Variants in TMEM45B observed in about 807,000 individuals in gnomAD.
TMEM45B encodes transmembrane protein 45B.
TMEM45B carries 29 observed loss-of-function variants against 27.3 expected under a neutral mutation model. That is an observed-to-expected ratio of 1.06 (90% CI 0.79 to 1.45). The LOEUF is 1.45. TMEM45B is among the 40% of genes most tolerant of loss of function. TMEM45B has a pLI of 0.00. For synonymous variants in TMEM45B, 143 were observed against 134.7 expected (o/e 1.06, Z -0.43); for missense variants, 348 against 343.9 (o/e 1.01, Z -0.09).
Position 129,854,747 on chromosome 11 carries a change from A to C in TMEM45B, c.316A>C (p.Thr106Pro), listed in dbSNP as rs1947897267. 5.6e-6 allele frequency: 9 copies of C among 1,614,194 alleles called. No homozygotes were observed. The highest frequency in any genetic ancestry group is 7.6e-6 in the Non-Finnish European group (9 of 1,180,028). The change falls in exon 3 of 6, where the codon ACC becomes CCC. Residue 106 changes from threonine (T) to proline (P), a missense_variant. By Grantham distance (38) the Thr-to-Pro change is conservative. Transcript: ENST00000281441. ...FAVSGIVDMLTYLVSHVPLGV... is the reference protein window; with the variant it reads ...FAVSGIVDMLPYLVSHVPLGV... ...AGTCTCAGGAATTGTTGACATGCTCACCTATCTGGTCAGCCACGTTCCCTT... is the reference window on the plus strand; with the variant it reads ...AGTCTCAGGAATTGTTGACATGCTCCCCTATCTGGTCAGCCACGTTCCCTT...
At chr11:129,818,276 T>A (rs1169378639) in intron 1 of TMEM45B, among the ~76,000 whole-genome samples, 2 of 152,198 alleles carry the variant, frequency 1.3e-5, no homozygotes, top group Non-Finnish European at 2.9e-5. Context: ...GCTACACTAC[T>A]GGAGGAAAAA....
intron 2 of TMEM45B, among the ~76,000 whole-genome samples, chr11:129,853,769 C>T (rs1341405583): frequency 1.3e-5 from 2 of 152,132 alleles, no homozygotes; most frequent in African/African-American, 4.8e-5. Context: ...TCCACAACTT[C>T]CTGACTCTGT....
chr11:129,828,545 A>G (rs1370569003), intron 1 of TMEM45B, among the ~76,000 whole-genome samples: 1 of 151,962 alleles, frequency 6.6e-6, no homozygotes, highest in Non-Finnish European at 1.5e-5. Flanking sequence ...TCAACACAGA[A>G]CTCTCTGCTT....
intron 1 of TMEM45B, among the ~76,000 whole-genome samples, chr11:129,837,585 C>CTTTATTTTTTTTTTTTTTT (rs1947637011): frequency 1.2e-5 from 1 of 80,294 alleles, no homozygotes. Flanking sequence ...CTGCACTGGG[C>CTTTATTTTTTTTTTTTTTT]TTTTTTTTTT....
chr11:129,829,300 T>A (rs1947521613), intron 1 of TMEM45B, among the ~76,000 whole-genome samples: 1 of 152,244 alleles, frequency 6.6e-6, no homozygotes, highest in Non-Finnish European at 1.5e-5. Flanking sequence ...AGATAACAGT[T>A]GACTTAAGTC....
chr11:129,833,290 T>G (rs1947576486), intron 1 of TMEM45B, among the ~76,000 whole-genome samples: 1 of 151,248 alleles, frequency 6.6e-6, no homozygotes, highest in Non-Finnish European at 1.5e-5. Flanking sequence ...AAGTGTGAAT[T>G]GATGAATGGA....
At chr11:129,856,154 G>A (rs911387722) in intron 4 of TMEM45B, among the ~76,000 whole-genome samples, 4 of 152,178 alleles carry the variant, frequency 2.6e-5, no homozygotes, top group Admixed American at 6.5e-5. Flanking sequence ...AGGATGGGCT[G>A]ATGCCTTTCA....
intron 1 of TMEM45B, among the ~76,000 whole-genome samples, chr11:129,823,060 C>T (rs1310834160): frequency 3.3e-5 from 5 of 151,946 alleles, no homozygotes; most frequent in East Asian, 1.9e-4. Flanking sequence ...AGGCTGGTCT[C>T]GAACCCCTGA....
At chr11:129,821,048 G>A (rs529258836) in intron 1 of TMEM45B, among the ~76,000 whole-genome samples, 2 of 152,012 alleles carry the variant, frequency 1.3e-5, no homozygotes, top group African/African-American at 4.8e-5. Flanking sequence ...TTCCCAGTAC[G>A]GTTATATCCT....
Position 129,858,667 on chromosome 11 carries a change from T to G in TMEM45B, c.810T>G (p.Ser270Arg). The change falls in exon 6 of 6, where the codon AGT becomes AGG. Residue 270 changes from serine to arginine, a missense_variant. Ser to Arg is a moderately radical substitution (Grantham distance 110). Transcript: ENST00000281441. ...ACACTTACCAGACCGCCCTCTTGAG[T>G]GGCTCAGATGAGGAATGAGCCGAGA... The part of the protein sequence containing the change: ...SDDTYQTALL[S>R]GSDEE 1.9e-6 allele frequency: 3 copies of G among 1,563,348 alleles called. No individual in the cohort carries two copies. The South Asian group carries it at 3.5e-5, about 18-fold the overall frequency.
chr11:129,838,509 C>T (rs989794931), intron 1 of TMEM45B, among the ~76,000 whole-genome samples: 6 of 152,176 alleles, frequency 3.9e-5, no homozygotes, highest in Non-Finnish European at 5.9e-5. Flanking sequence ...TGTCGCTCTT[C>T]TTGCTTGTCT....
chr11:129,820,274 C>T (rs1565361476), intron 1 of TMEM45B, among the ~76,000 whole-genome samples: 1 of 152,034 alleles, frequency 6.6e-6, no homozygotes, highest in Non-Finnish European at 1.5e-5. Context: ...GAGATCATGC[C>T]ACTTGCACTC....
intron 1 of TMEM45B, among the ~76,000 whole-genome samples, chr11:129,846,999 T>C (rs1488087200): frequency 6.6e-6 from 1 of 152,306 alleles, no homozygotes; most frequent in Middle Eastern, 3.4e-3. Context: ...TTATTGGCCC[T>C]GGTAAGGACT....
At chr11:129,846,847 T>C (rs1009529430) in intron 1 of TMEM45B, among the ~76,000 whole-genome samples, 1 of 152,176 alleles carries the variant, frequency 6.6e-6, no homozygotes, top group Non-Finnish European at 1.5e-5. Context: ...GTGGGAACAC[T>C]GTTCTAGAAG....
chr11:129,828,381 A>G (rs1321437174), intron 1 of TMEM45B: 3 of 152,256 alleles, frequency 2.0e-5, no homozygotes, highest in Non-Finnish European at 4.4e-5. Flanking sequence ...CCACACAGGA[A>G]ATAACAATGA....
Position 129,859,992 on chromosome 11 carries a change from C to T in TMEM45B, c.*1307C>T, listed in dbSNP as rs1947986097. The T allele has an allele frequency of 6.6e-6, 1 of 152,380 alleles. No individual in the cohort carries two copies. Among genetic ancestry groups the T allele is most frequent in the South Asian group, 2.1e-4 (1 of 4,822 alleles). The allele number at this position is 152,380 out of a possible 1,614,324, so 9.4% of individuals were successfully genotyped here. Reference sequence around the variant, plus strand: ...TGTGATGGGTGCTGAGAGGCAAGTACAAACCACGATGAGAAAAAGGAGAGG... The same window carrying T: ...TGTGATGGGTGCTGAGAGGCAAGTATAAACCACGATGAGAAAAAGGAGAGG... On this transcript the variant is annotated 3_prime_UTR_variant, in exon 6 of 6. Transcript: ENST00000281441.
chr11:129,844,949 A>C (rs941486745), intron 1 of TMEM45B, among the ~76,000 whole-genome samples: 2 of 152,208 alleles, frequency 1.3e-5, no homozygotes, highest in Non-Finnish European at 2.9e-5. Context: ...AGGTCGAAAG[A>C]AAATGAGGTT....
chr11:129,816,023 G>A (rs1172415494), intron 1 of TMEM45B, 125 bp downstream of exon 1: 4 of 1,225,000 alleles, frequency 3.3e-6, no homozygotes, highest in Non-Finnish European at 4.1e-6. Context: ...TGCGGGGGAG[G>A]GGACGCGGAC....
At chr11:129,818,088 G>A (rs1160967373) in intron 1 of TMEM45B, among the ~76,000 whole-genome samples, 7 of 152,152 alleles carry the variant, frequency 4.6e-5, no homozygotes, top group African/African-American at 1.2e-4. Context: ...AGAGGCCACA[G>A]GTGAGTGCTG....
Sources: gnomAD v4.1 joint callset for allele counts (sites outside exome capture counted in the v4.1 genomes callset) on GRCh38, gnomAD v4.1.1 for gene constraint, MANE v1.5 for transcripts, NCBI Gene and HGNC (gene_info 2026-07-23, HGNC 2026-07-21) for gene names.